The following ALK variants were observed in gnomAD, a reference collection of about 807,000 sequenced individuals.
The protein encoded by ALK is ALK tyrosine kinase receptor.
ALK carries 74 observed loss-of-function variants against 163.1 expected under a neutral mutation model. That is an observed-to-expected ratio of 0.45 (90% confidence interval 0.38 to 0.55). The LOEUF (loss-of-function observed/expected upper bound fraction) is 0.55. ALK is among the 20% of genes least tolerant of loss of function. The probability of loss-of-function intolerance (pLI) is 0.00; values close to 1 mark genes in which losing one functional copy is unlikely to be tolerated. For missense variants in ALK, 2,063 were observed against 2,105.3 expected (o/e 0.98, Z 0.39); for synonymous variants, 960 against 843.2 (o/e 1.14, Z -2.40).
chr2:29,757,258 T>C lies in ALK; in HGVS notation c.668-39561A>G, dbSNP rs143860737. On this transcript the variant is annotated intron_variant, in intron 1 of 28. Coordinates refer to ENST00000389048, the MANE Select transcript of ALK (RefSeq NM_004304.5). The stretch of plus-strand genomic sequence containing the variant: ...GACGGGCATCTTGGAGCAGGTGATA[T>C]AGTAACAGCTGGTACTCCTGATCTC... Among the ~76,000 whole-genome samples, 12 of 152,298 alleles carry C rather than the reference T, an allele frequency of 7.9e-5. No homozygotes were observed. In the East Asian group the frequency reaches 1.9e-3, roughly 25 times the overall value.
Position 29,297,966 on chromosome 2 carries a change from G to A in ALK, c.1648-909C>T, listed in dbSNP as rs13384022. On this transcript the variant is annotated intron_variant, in intron 8 of 28. Transcript: ENST00000389048. ...TGTCTTATGGTAAACTGGCAGTTTC[G>A]TCAGAGTAAAGGTACCCCCTTTTTA... 7.1e-3 allele frequency among the ~76,000 whole-genome samples: 1,082 copies of A among 152,268 alleles called. 12 individuals carry two copies. Among genetic ancestry groups the A allele is most frequent in the African/African-American group, 0.024 (1,004 of 41,534 alleles).
At chr2:29,438,795 G>A (rs1670465425) in intron 4 of ALK, among the ~76,000 whole-genome samples, 1 of 152,156 alleles carries the variant, frequency 6.6e-6, no homozygotes, top group Admixed American at 6.5e-5. Context: ...GGGGTGCTGA[G>A]AGCAAACCTG....
chr2:29,671,398 C>A (rs57946393), intron 3 of ALK, among the ~76,000 whole-genome samples: 10,106 of 152,082 alleles, frequency 0.066, 1,030 homozygotes, highest in African/African-American at 0.22. Context: ...TCTCCTTTGG[C>A]TGAGTTACAG....
intron 1 of ALK, among the ~76,000 whole-genome samples, chr2:29,848,347 C>CTTT (rs34182049): frequency 7.2e-6 from 1 of 139,176 alleles, no homozygotes; most frequent in African/African-American, 2.6e-5. Flanking sequence ...TTCAGGAAGG[C>CTTT]TTTTTTTTTT....
chr2:29,641,987 C>T (rs1676717098), intron 3 of ALK, among the ~76,000 whole-genome samples: 1 of 152,154 alleles, frequency 6.6e-6, no homozygotes, highest in Non-Finnish European at 1.5e-5. Context: ...CTTTGGGCTC[C>T]ATCCATGATT....
chr2:29,871,875 G>A (rs191945169), intron 1 of ALK, among the ~76,000 whole-genome samples: 9 of 152,294 alleles, frequency 5.9e-5, no homozygotes, highest in Admixed American at 5.2e-4. Context: ...CACAAATTGA[G>A]GGCAATTATA....
At chr2:29,413,527 AT>A (rs1171234675) in intron 4 of ALK, among the ~76,000 whole-genome samples, 1 of 149,304 alleles carries the variant, frequency 6.7e-6, no homozygotes, top group East Asian at 2.0e-4. Context: ...TTACTTATTT[AT>A]TGTTTATTTA....
At chr2:29,594,426 CTTTTTT>C (rs754184164) in intron 3 of ALK, among the ~76,000 whole-genome samples, 2 of 128,958 alleles carry the variant, frequency 1.6e-5, no homozygotes, top group African/African-American at 6.1e-5. Context: ...GGTCTCCTCA[CTTTTTT>C]TTTTTTTTTT....
chr2:29,340,792 A>C (rs561241838), intron 5 of ALK, among the ~76,000 whole-genome samples: 96 of 152,348 alleles, frequency 6.3e-4, no homozygotes, highest in African/African-American at 2.2e-3. Flanking sequence ...ATCTTTACTG[A>C]AACGTTACCT....
intron 4 of ALK, among the ~76,000 whole-genome samples, chr2:29,499,669 C>A (rs1672118216): frequency 1.3e-5 from 2 of 152,076 alleles, no homozygotes; most frequent in Admixed American, 1.3e-4. Flanking sequence ...AAATCCAAAC[C>A]CCAGCTCTCC....
At chr2:29,232,711 G>A (rs868504580) in intron 14 of ALK, among the ~76,000 whole-genome samples, 45 of 152,322 alleles carry the variant, frequency 3.0e-4, no homozygotes, top group African/African-American at 1.0e-3. Flanking sequence ...GGAGGTGGGG[G>A]TTGATCTTAG....
chr2:29,691,637 C>A (rs1445193251), intron 3 of ALK, among the ~76,000 whole-genome samples: 1 of 152,146 alleles, frequency 6.6e-6, no homozygotes, highest in African/African-American at 2.4e-5. Context: ...TGATATGTTT[C>A]CATGCTAAAG....
intron 1 of ALK, among the ~76,000 whole-genome samples, chr2:29,732,739 C>T (rs991628093): frequency 2.0e-5 from 3 of 152,220 alleles, no homozygotes; most frequent in Admixed American, 6.5e-5. Flanking sequence ...GAACCCTCAC[C>T]CCTTCCACCA....
chr2:29,580,429 TG>T (rs1209646982), intron 3 of ALK, among the ~76,000 whole-genome samples: 1 of 152,160 alleles, frequency 6.6e-6, no homozygotes, highest in African/African-American at 2.4e-5. Context: ...AGGCCACCGC[TG>T]GCATCTGAGC....
At chr2:29,325,751 G>A (rs557913870) in intron 6 of ALK, among the ~76,000 whole-genome samples, 191 of 152,346 alleles carry the variant, frequency 1.3e-3, no homozygotes, top group Admixed American at 2.2e-3. Flanking sequence ...CAGCTTCCTT[G>A]TCTCTAACAA....
chr2:29,498,150 T>C (rs4666231), intron 4 of ALK, among the ~76,000 whole-genome samples: 17,545 of 152,122 alleles, frequency 0.12, 1,312 homozygotes, highest in East Asian at 0.29. Context: ...GCTCTCCCAA[T>C]ATTGCAGCTC....
At chr2:29,873,786 A>G (rs1666635532) in intron 1 of ALK, among the ~76,000 whole-genome samples, 3 of 151,904 alleles carry the variant, frequency 2.0e-5, no homozygotes, top group Non-Finnish European at 2.9e-5. Flanking sequence ...TGCCACCAAG[A>G]CAAGCAGAAC....
At chr2:29,813,738 T>G (rs1478895032) in intron 1 of ALK, among the ~76,000 whole-genome samples, 1 of 152,104 alleles carries the variant, frequency 6.6e-6, no homozygotes, top group Non-Finnish European at 1.5e-5. Flanking sequence ...ACTCCAAGTG[T>G]CTCATCTAAA....
At chr2:29,727,177 C>CACCACAAAGCCTGATGCCTGG (rs1409352832) in intron 1 of ALK, among the ~76,000 whole-genome samples, 2 of 152,176 alleles carry the variant, frequency 1.3e-5, no homozygotes, top group African/African-American at 4.8e-5. Context: ...CCATGGCAAC[C>CACCACAAAGCCTGATGCCTGG]ACCACAAAGC....
Sources: allele counts gnomAD v4.1 joint callset (sites outside exome capture counted in the v4.1 genomes callset), GRCh38; gene constraint gnomAD v4.1.1; transcripts MANE v1.5; gene names NCBI Gene and HGNC (gene_info 2026-07-23, HGNC 2026-07-21).